ARAP2: variants seen among roughly 807,000 people sequenced by gnomAD.
ARAP2 encodes arf-GAP with Rho-GAP domain, ANK repeat and PH domain-containing protein 2.
In ARAP2, 148 loss-of-function variants were observed where a neutral mutation model predicts 194.5. The ratio of observed to expected loss-of-function variants is 0.76; its 90% CI spans 0.67 to 0.87. ARAP2 has a LOEUF of 0.87. Ranked by LOEUF, ARAP2 falls within the 40% of genes least tolerant of loss-of-function variation. The pLI, the probability that ARAP2 is intolerant of heterozygous loss-of-function variation, is 0.00. For synonymous variants in ARAP2, 695 were observed against 683.5 expected (o/e 1.02, Z -0.26); for missense variants, 2,128 against 1,989.7 (o/e 1.07, Z -1.32).
intron 16 of ARAP2, among the ~76,000 whole-genome samples, chr4:36,149,301 C>T (rs1333915620): frequency 1.4e-5 from 2 of 138,138 alleles, no homozygotes; most frequent in Non-Finnish European, 3.3e-5. Context: ...CCCTTAACAT[C>T]AACTCTTGTC....
intron 5 of ARAP2, among the ~76,000 whole-genome samples, chr4:36,045,714 G>A (rs908705805): frequency 5.9e-5 from 9 of 152,040 alleles, no homozygotes; most frequent in Admixed American, 2.0e-4. Context: ...CTCACCACAA[G>A]GAATGTATAA....
At chr4:36,213,849 A>C (rs6825572) in intron 3 of ARAP2, among the ~76,000 whole-genome samples, 129,365 of 152,076 alleles carry the variant, frequency 0.85, 55,389 homozygotes, top group East Asian at 0.95. Context: ...ATTTCAAGAG[A>C]AGTTCCACCA....
intron 27 of ARAP2, among the ~76,000 whole-genome samples, chr4:36,100,906 A>G (rs774140122): frequency 1.3e-5 from 2 of 151,956 alleles, no homozygotes; most frequent in Non-Finnish European, 2.9e-5. Context: ...CCTTCACTCC[A>G]ATCTATTCTC....
intron 5 of ARAP2, among the ~76,000 whole-genome samples, chr4:36,039,603 C>T (rs1054246245): frequency 2.0e-5 from 3 of 152,128 alleles, no homozygotes; most frequent in African/African-American, 7.2e-5. Flanking sequence ...TGGCCTCATA[C>T]TCACACTCTA....
At chr4:36,083,143 A>T (rs1297047349) in intron 29 of ARAP2, among the ~76,000 whole-genome samples, 1 of 152,068 alleles carries the variant, frequency 6.6e-6, no homozygotes, top group Admixed American at 6.6e-5. Flanking sequence ...TGCAATCACC[A>T]AGGAGCTTGG....
Position 36,147,529 on chromosome 4 carries a change from G to C in ARAP2, c.3199+19C>G, listed in dbSNP as rs1419804773. On this transcript the variant is annotated intron_variant, in intron 18 of 32. Transcript: ENST00000303965. Reference sequence around the variant, plus strand: ...TAAAGAAAAGTGTTCCAAAGATAAGGGAAGAAAAAAGCTCTTACTTAGCTC... The same window carrying C: ...TAAAGAAAAGTGTTCCAAAGATAAGCGAAGAAAAAAGCTCTTACTTAGCTC... 4 of 1,596,192 alleles carry C rather than the reference G, an allele frequency of 2.5e-6. No individual in the cohort carries two copies. Among genetic ancestry groups the C allele is most frequent in the Admixed American group, 3.6e-5 (2 of 56,248 alleles).
intron 9 of ARAP2, among the ~76,000 whole-genome samples, chr4:36,169,341 C>A (rs1195098012): frequency 6.6e-6 from 1 of 152,104 alleles, no homozygotes; most frequent in Non-Finnish European, 1.5e-5. Context: ...GACCATCATA[C>A]TAGCAGATGG....
chr4:36,144,132 A>G (rs145732330), intron 19 of ARAP2, among the ~76,000 whole-genome samples: 151 of 151,918 alleles, frequency 9.9e-4, no homozygotes, highest in African/African-American at 3.5e-3. Context: ...ATTAAAACCT[A>G]TGTATCATTG....
chr4:36,025,089 G>A (rs1717669265), intron 5 of ARAP2, among the ~76,000 whole-genome samples: 1 of 152,108 alleles, frequency 6.6e-6, no homozygotes, highest in African/African-American at 2.4e-5. Context: ...GGTGGGTGTT[G>A]GAGATAATTC....
chr4:36,216,671 G>C (rs1475287289), intron 2 of ARAP2, among the ~76,000 whole-genome samples: 1 of 151,766 alleles, frequency 6.6e-6, no homozygotes, highest in Non-Finnish European at 1.5e-5. Flanking sequence ...TAGACATCAG[G>C]AAGTAAATGA....
At chr4:36,170,951 C>T (rs1736474464) in intron 9 of ARAP2, among the ~76,000 whole-genome samples, 1 of 151,818 alleles carries the variant, frequency 6.6e-6, no homozygotes, top group Admixed American at 6.6e-5. Flanking sequence ...AAAAAAAATG[C>T]CTGGTGGCCT....
chr4:36,057,609 G>A (rs534409667), intron 2 of ARAP2, among the ~76,000 whole-genome samples: 113 of 151,762 alleles, frequency 7.4e-4, no homozygotes, highest in African/African-American at 2.5e-3. Flanking sequence ...TTCACTAACC[G>A]TTGGTGCATG....
At chr4:36,161,160 C>CACAT (rs1264830499) in intron 12 of ARAP2, among the ~76,000 whole-genome samples, 2 of 151,474 alleles carry the variant, frequency 1.3e-5, no homozygotes, top group African/African-American at 4.9e-5. Context: ...CACACACACA[C>CACAT]ACACACACAC....
chr4:36,083,756 A>T (rs894620636), intron 28 of ARAP2, among the ~76,000 whole-genome samples: 34 of 152,122 alleles, frequency 2.2e-4, no homozygotes, highest in African/African-American at 8.2e-4. Flanking sequence ...GATGTGCATC[A>T]TGTCGTGGTT....
At chr4:36,032,192 T>G (rs1458689467) in intron 5 of ARAP2, among the ~76,000 whole-genome samples, 2 of 152,174 alleles carry the variant, frequency 1.3e-5, no homozygotes, top group Non-Finnish European at 2.9e-5. Flanking sequence ...AGGGGATAGT[T>G]ACTAAATTGG....
chr4:36,156,389 G>C (rs1030937456), intron 15 of ARAP2, among the ~76,000 whole-genome samples: 1 of 12,566 alleles, frequency 8.0e-5, no homozygotes, highest in African/African-American at 4.1e-4. Context: ...AAGAGAGAGA[G>C]AGAAAGAAAG....
chr4:36,140,710 G>A (rs1728113269), intron 19 of ARAP2, among the ~76,000 whole-genome samples: 1 of 151,676 alleles, frequency 6.6e-6, no homozygotes, highest in Non-Finnish European at 1.5e-5. Flanking sequence ...AACTTAGGGT[G>A]CTAATCTCCC....
intron 22 of ARAP2, among the ~76,000 whole-genome samples, chr4:36,122,944 T>C (rs545959106): frequency 6.6e-6 from 1 of 151,836 alleles, no homozygotes; most frequent in East Asian, 2.0e-4. Flanking sequence ...CAGATTCAGG[T>C]AGCTACAAGA....
At chr4:36,122,057 G>A (rs1722800000) in intron 22 of ARAP2, among the ~76,000 whole-genome samples, 1 of 151,462 alleles carries the variant, frequency 6.6e-6, no homozygotes, top group Non-Finnish European at 1.5e-5. Context: ...AACCCACAAT[G>A]AGATATCATC....
Sources: allele counts gnomAD v4.1 joint callset (sites outside exome capture counted in the v4.1 genomes callset), GRCh38; gene constraint gnomAD v4.1.1; transcripts MANE v1.5; gene names NCBI Gene and HGNC (gene_info 2026-07-23, HGNC 2026-07-21).